The following ABCB5 variants were observed in gnomAD, a reference collection of about 807,000 sequenced individuals.
The protein encoded by ABCB5 is ATP binding cassette subfamily B member 5, also known as ATP-binding cassette sub-family B member 5.
Under a neutral mutation model 144.2 loss-of-function variants are expected in ABCB5, and 155 were observed. The observed-to-expected ratio is 1.08, with a 90% CI of 0.94 to 1.23. The LOEUF (loss-of-function observed/expected upper bound fraction) is 1.23. Ranked by LOEUF, ABCB5 falls within the 50% of genes most tolerant of loss-of-function variation. The pLI, the probability that ABCB5 is intolerant of heterozygous loss-of-function variation, is 0.00. For missense variants in ABCB5, 1,830 were observed against 1,520.8 expected, an observed-to-expected ratio of 1.20 and a Z score of -3.38; for synonymous variants, 610 against 528.6, an observed-to-expected ratio of 1.15 and a Z score of -2.11.
At chr7:20,632,183 G>C in intron 5 of ABCB5, 70 bp downstream of exon 5, 1 of 1,132,302 alleles carries the variant, frequency 8.8e-7, no homozygotes, top group Non-Finnish European at 1.2e-6. Flanking sequence ...CAAGAAAAAA[G>C]CAACTGAAAT....
At chr7:20,651,835 T>A in intron 13 of ABCB5, 1 of 545,324 alleles carries the variant, frequency 1.8e-6, no homozygotes. Context: ...ATTATGAGAT[T>A]TTTTTGTGAT....
intron 26 of ABCB5, among the ~76,000 whole-genome samples, chr7:20,751,822 C>T (rs2128057806): frequency 6.6e-6 from 1 of 152,310 alleles, no homozygotes; most frequent in South Asian, 2.1e-4. Flanking sequence ...CCAAGGCCTG[C>T]TAGTAGTCCC....
chr7:20,699,463 G>A (rs1465760963), intron 17 of ABCB5, among the ~76,000 whole-genome samples: 1 of 152,178 alleles, frequency 6.6e-6, no homozygotes, highest in African/African-American at 2.4e-5. Context: ...CACTTTGGGA[G>A]GCGGAGGCAG....
chr7:20,692,501 A>T (rs1786264617), intron 16 of ABCB5, among the ~76,000 whole-genome samples: 1 of 151,376 alleles, frequency 6.6e-6, no homozygotes, highest in South Asian at 2.1e-4. Flanking sequence ...AAGTCCTTTG[A>T]GCAGAAGGAA....
intron 20 of ABCB5, among the ~76,000 whole-genome samples, chr7:20,714,603 G>C (rs973680965): frequency 6.6e-6 from 1 of 151,980 alleles, no homozygotes; most frequent in Admixed American, 6.6e-5. Context: ...GAAAAGCAGG[G>C]TTTGTGGCTT....
At chr7:20,717,962 C>T (rs868742304) in intron 20 of ABCB5, among the ~76,000 whole-genome samples, 1 of 116,152 alleles carries the variant, frequency 8.6e-6, no homozygotes, top group African/African-American at 3.2e-5. Context: ...AGTGCAGTGG[C>T]GCAATCTCGG....
At chr7:20,683,173 T>A (rs1365076516) in intron 15 of ABCB5, among the ~76,000 whole-genome samples, 3 of 152,186 alleles carry the variant, frequency 2.0e-5, no homozygotes, top group African/African-American at 7.2e-5. Context: ...TTTCAAACCC[T>A]AACTTTCTCC....
intron 14 of ABCB5, among the ~76,000 whole-genome samples, chr7:20,669,227 G>C (rs1390324969): frequency 2.6e-4 from 37 of 144,406 alleles, no homozygotes; most frequent in Non-Finnish European, 3.7e-4. Flanking sequence ...TGGGAGGTGT[G>C]CCCAGCGGCT....
At chr7:20,621,301 A>G (rs1783800769) in intron 1 of ABCB5, among the ~76,000 whole-genome samples, 1 of 152,134 alleles carries the variant, frequency 6.6e-6, no homozygotes, top group African/African-American at 2.4e-5. Context: ...AGTTCTGAAG[A>G]TAGATATGGT....
At chr7:20,693,948 A>C (rs1786319438) in intron 16 of ABCB5, among the ~76,000 whole-genome samples, 1 of 151,954 alleles carries the variant, frequency 6.6e-6, no homozygotes, top group African/African-American at 2.4e-5. Context: ...AAGCCCACTC[A>C]AGAATAAATT....
At chr7:20,717,883 CTTTTTTTTTTTTTTT>C (rs574592723) in intron 20 of ABCB5, among the ~76,000 whole-genome samples, 5 of 43,272 alleles carry the variant, frequency 1.2e-4, no homozygotes, top group Non-Finnish European at 1.9e-4. Context: ...TTGTAACATT[CTTTTTTTTTTTTTTT>C]TTTTTTTTTT....
At chr7:20,626,054 C>G (rs1783902418) in intron 2 of ABCB5, among the ~76,000 whole-genome samples, 2 of 152,144 alleles carry the variant, frequency 1.3e-5, no homozygotes, top group African/African-American at 4.8e-5. Context: ...CCAGACGAAA[C>G]AGACACAGAA....
intron 1 of ABCB5, among the ~76,000 whole-genome samples, chr7:20,618,264 C>T (rs1014519610): frequency 2.0e-5 from 3 of 152,130 alleles, no homozygotes; most frequent in African/African-American, 7.2e-5. Context: ...GATTTGCCTG[C>T]TCTAGGCACT....
intron 1 of ABCB5, among the ~76,000 whole-genome samples, chr7:20,621,669 A>C (rs191642249): frequency 4.6e-5 from 7 of 152,264 alleles, no homozygotes; most frequent in African/African-American, 1.4e-4. Flanking sequence ...TTTGCAATAT[A>C]ATGCAGAATG....
chr7:20,732,382 T>C (rs1782249144), intron 23 of ABCB5, among the ~76,000 whole-genome samples: 2 of 152,220 alleles, frequency 1.3e-5, no homozygotes, highest in African/African-American at 4.8e-5. Context: ...CACTTATGAT[T>C]CTATGAAATT....
chr7:20,732,638 CTG>C (rs1782259420), intron 23 of ABCB5, among the ~76,000 whole-genome samples: 2 of 152,170 alleles, frequency 1.3e-5, no homozygotes, highest in African/African-American at 4.8e-5. Context: ...AAACAGGAGT[CTG>C]TTTTTCACAA....
chr7:20,679,164 A>G (rs71526338), intron 14 of ABCB5, among the ~76,000 whole-genome samples: 1 of 152,064 alleles, frequency 6.6e-6, no homozygotes, highest in East Asian at 1.9e-4. Flanking sequence ...ATGAAAAGAC[A>G]CCATTAAGAG....
At chr7:20,663,058 G>T (rs183528741) in intron 14 of ABCB5, among the ~76,000 whole-genome samples, 203 of 152,286 alleles carry the variant, frequency 1.3e-3, no homozygotes, top group African/African-American at 4.7e-3. Context: ...GAAGCACAGG[G>T]AGGTTAAGTA....
chr7:20,668,849 G>C (rs113433150), intron 14 of ABCB5, among the ~76,000 whole-genome samples: 92 of 130,356 alleles, frequency 7.1e-4, no homozygotes, highest in Non-Finnish European at 9.5e-4. Flanking sequence ...GGAGGGAGGT[G>C]GGGGGGTCAG....
Sources: gnomAD v4.1 joint callset for allele counts (sites outside exome capture counted in the v4.1 genomes callset) on GRCh38, gnomAD v4.1.1 for gene constraint, MANE v1.5 for transcripts, NCBI Gene and HGNC (gene_info 2026-07-23, HGNC 2026-07-21) for gene names.